Variants in SMAP2 observed in about 807,000 individuals in gnomAD.
SMAP2 encodes the protein small ArfGAP2, also known as stromal membrane-associated protein 2.
A neutral mutation model predicts 56.4 loss-of-function variants in SMAP2; 25 were observed. The ratio of observed to expected loss-of-function variants is 0.44; its 90% confidence interval spans 0.32 to 0.62. The LOEUF is 0.62. Among genes scored for constraint, SMAP2 ranks in the 20% least tolerant of loss-of-function variants. The pLI is 0.04. For synonymous variants in SMAP2, 157 were observed against 181.7 expected, an observed-to-expected ratio of 0.86 and a Z score of 1.09; for missense variants, 388 against 545.6, an observed-to-expected ratio of 0.71 and a Z score of 2.88.
chr1:40,397,812 T>C (rs530067353), intron 1 of SMAP2, among the ~76,000 whole-genome samples: 20 of 152,174 alleles, frequency 1.3e-4, no homozygotes, highest in African/African-American at 3.9e-4. Context: ...GTTTATTCCA[T>C]TGGAGGGCAT....
At chr1:40,360,369 T>A (rs1644454862) in intron 1 of SMAP2, among the ~76,000 whole-genome samples, 1 of 148,864 alleles carries the variant, frequency 6.7e-6, no homozygotes, top group Admixed American at 6.8e-5. Context: ...AGTGGCAAGA[T>A]CTTGGCTCAC....
intron 1 of SMAP2, among the ~76,000 whole-genome samples, chr1:40,394,368 C>G (rs1438454119): frequency 2.6e-5 from 4 of 152,194 alleles, no homozygotes; most frequent in African/African-American, 7.2e-5. Context: ...CACTTTTGCT[C>G]TTTTTTGAAG....
intron 1 of SMAP2, among the ~76,000 whole-genome samples, chr1:40,388,212 A>G (rs1341054213): frequency 1.3e-5 from 2 of 152,104 alleles, no homozygotes; most frequent in Non-Finnish European, 2.9e-5. Context: ...GGTCCCATCA[A>G]CCACCCAAGG....
intron 5 of SMAP2, 142 bp from the exon 6 acceptor site, chr1:40,414,017 A>G: frequency 1.5e-6 from 1 of 688,606 alleles, no homozygotes; most frequent in Non-Finnish European, 2.5e-6. Flanking sequence ...TTCACCTAAT[A>G]CTTCCTGAGT....
chr1:40,422,016 A>G lies in SMAP2; in HGVS notation c.1205A>G (p.Asn402Ser). Reference sequence around the variant, plus strand: ...GCTGGGATGAACTTCTATGGAGCCAATGGCATGATGAACTATGGACAGTCA... The same window carrying G: ...GCTGGGATGAACTTCTATGGAGCCAGTGGCATGATGAACTATGGACAGTCA... ...QMAGMNFYGANGMMNYGQSMS... is the reference protein window; with the variant it reads ...QMAGMNFYGASGMMNYGQSMS... Residue 402 changes from asparagine to serine, a missense_variant, in exon 10 of 10, where the codon AAT (asparagine) becomes AGT (serine). Transcript: ENST00000372718. The G allele has an allele frequency of 6.2e-7, 1 of 1,614,172 alleles. No homozygotes were observed. The highest frequency in any genetic ancestry group is 8.5e-7 in the Non-Finnish European group (1 of 1,180,004).
In SMAP2 at chr1:40,422,350, T is replaced by G; in HGVS notation, c.*249T>G. On this transcript the variant is annotated 3_prime_UTR_variant, in exon 10 of 10. Coordinates refer to ENST00000372718, the MANE Select transcript of SMAP2 (RefSeq NM_022733.3). ...CAGTCCTCTCCTGGCACCAGCACCT[T>G]AGAAGTTGTTGGCAGAAGGCACTTA... is the stretch of plus-strand genomic sequence containing the variant. The G allele has an allele frequency of 6.7e-6, 3 of 447,792 alleles. No individual in the cohort carries two copies. The East Asian group carries it at 1.3e-4, about 19-fold the overall frequency. 27.7% of individuals were successfully genotyped at this position (447,792 alleles called of 1,614,324 possible). A position where few individuals can be genotyped will look rare whatever the true frequency, so the allele number is the denominator to read the frequency against.
intron 1 of SMAP2, among the ~76,000 whole-genome samples, chr1:40,388,371 C>T (rs2124262293): frequency 6.6e-6 from 1 of 152,354 alleles, no homozygotes; most frequent in African/African-American, 2.4e-5. Flanking sequence ...TGTAAATACA[C>T]CAGTCGGCAC....
At chr1:40,394,560 T>C (rs1218620223) in intron 1 of SMAP2, among the ~76,000 whole-genome samples, 1 of 152,158 alleles carries the variant, frequency 6.6e-6, no homozygotes, top group African/African-American at 2.4e-5. Flanking sequence ...GAAAATCTCT[T>C]GGCTAGCTCT....
chr1:40,382,522 G>A (rs1222397765), intron 1 of SMAP2, among the ~76,000 whole-genome samples: 1 of 152,146 alleles, frequency 6.6e-6, no homozygotes, highest in East Asian at 1.9e-4. Flanking sequence ...CCTTACCACA[G>A]TTGTACTCCT....
intron 1 of SMAP2, among the ~76,000 whole-genome samples, chr1:40,377,693 G>A (rs1644553796): frequency 6.6e-6 from 1 of 152,136 alleles, no homozygotes; most frequent in Non-Finnish European, 1.5e-5. Context: ...TACTTCCTTT[G>A]TACTTGGGGT....
intron 8 of SMAP2, 117 bp downstream of exon 8, chr1:40,416,458 A>G (rs1644988108): frequency 8.7e-7 from 1 of 1,145,962 alleles, no homozygotes. Flanking sequence ...CATACACCAA[A>G]CAAACCTGAA....
chr1:40,377,578 A>T (rs187080838), intron 1 of SMAP2, among the ~76,000 whole-genome samples: 6 of 152,302 alleles, frequency 3.9e-5, no homozygotes, highest in African/African-American at 1.2e-4. Flanking sequence ...CTTTTGGACT[A>T]ACTTAGGTAG....
chr1:40,415,463 C>T, intron 7 of SMAP2, 82 bp downstream of exon 7: 1 of 930,024 alleles, frequency 1.1e-6, no homozygotes, highest in South Asian at 1.4e-5. Flanking sequence ...CCACGTCATG[C>T]TTCCTTGGTG....
At chr1:40,410,921 A>T (rs1355385043) in intron 4 of SMAP2, among the ~76,000 whole-genome samples, 1 of 152,176 alleles carries the variant, frequency 6.6e-6, no homozygotes, top group African/African-American at 2.4e-5. Context: ...AGAGTAAGGG[A>T]TTCTCCACTT....
rs1557456095 is a variant in SMAP2 at position 40,408,729 on chromosome 1, A to T, written c.314A>T (p.Gln105Leu). Residue 105 changes from glutamine to leucine, a missense_variant, in exon 3 of 10, where the codon CAG (glutamine) becomes CTG (leucine). Physicochemically the swap from Gln to Leu is moderately radical, Grantham distance 113. Transcript: ENST00000372718. This position sits in a 1 kb window ranked among gnomAD's most constrained non-coding sequence, Gnocchi z 4.3. The stretch of plus-strand genomic sequence containing the variant: ...CTTCCTGAGACCTTTCGGCGACCTC[A>T]GATAGACCCGTATCTTTTCTGGAGC... The part of the protein sequence containing the change: ...AYLPETFRRP[Q>L]IDPAVEGFIR... 1 of 1,613,704 alleles carries T rather than the reference A, an allele frequency of 6.2e-7. No individual in the cohort carries two copies. The highest frequency in any genetic ancestry group is 8.5e-7 in the Non-Finnish European group (1 of 1,179,670).
chr1:40,392,904 CCTGA>C (rs2124280569), intron 1 of SMAP2, among the ~76,000 whole-genome samples: 1 of 152,088 alleles, frequency 6.6e-6, no homozygotes. Context: ...TCGAGACCAT[CCTGA>C]CTAACATGGT....
At chr1:40,389,462 T>G (rs1008454332) in intron 1 of SMAP2, among the ~76,000 whole-genome samples, 1 of 143,766 alleles carries the variant, frequency 7.0e-6, no homozygotes, top group Non-Finnish European at 1.5e-5. Flanking sequence ...TCAGGTCATA[T>G]GCTTTGTTTT....
At position 40,385,304 on chromosome 1, in the gene SMAP2, C is replaced by T. The variant is rs1569857509; in HGVS notation, c.103+11081C>T. On this transcript the variant is annotated intron_variant, in intron 1 of 9. Transcript: ENST00000372718. The surrounding 1 kb of genome is among the most constrained non-coding windows in gnomAD (Gnocchi z 4.5). ...CTGACAAATTTTGTTGACCATAGCC[C>T]TCTTTTCCCCTCAGTTCATAGATTT... Among the ~76,000 whole-genome samples the T allele has an allele frequency of 6.6e-6, 1 of 152,106 alleles. No individual in the cohort carries two copies. The highest frequency in any genetic ancestry group is 1.9e-4 in the East Asian group (1 of 5,198).
At position 40,416,802 on chromosome 1, in the gene SMAP2, G is replaced by T; in HGVS notation, c.870G>T (p.Gln290His). Reference protein sequence around the residue: ...PTQAMFMAPAQMAYPTAYPSF... With the variant: ...PTQAMFMAPAHMAYPTAYPSF... The stretch of plus-strand genomic sequence containing the variant: ...CAGCAATGTTCATGGCTCCCGCTCA[G>T]ATGGCATATCCCACAGCCTACCCCA... Residue 290 changes from glutamine to histidine, a missense_variant, in exon 9 of 10, where the codon CAG becomes CAT. Transcript: ENST00000372718. 3 of 1,603,924 alleles carry T rather than the reference G, an allele frequency of 1.9e-6. No individual in the cohort carries two copies. The highest frequency in any genetic ancestry group is 1.7e-6 in the Non-Finnish European group (2 of 1,171,468).
Sources: allele counts gnomAD v4.1 joint callset (sites outside exome capture counted in the v4.1 genomes callset), GRCh38; gene constraint gnomAD v4.1.1; non-coding constraint Gnocchi (gnomAD v3.1); transcripts MANE v1.5; gene names NCBI Gene and HGNC (gene_info 2026-07-23, HGNC 2026-07-21).